IQGAP2: variants seen among roughly 807,000 people sequenced by gnomAD.
The protein encoded by IQGAP2 is IQ motif containing GTPase activating protein 2.
Under a neutral mutation model 201.3 loss-of-function variants are expected in IQGAP2, and 173 were observed. The observed-to-expected ratio is 0.86, with a 90% CI of 0.76 to 0.98. The LOEUF (loss-of-function observed/expected upper bound fraction) is 0.98. Among genes scored for constraint, IQGAP2 ranks in the 50% least tolerant of loss-of-function variants. The pLI is 0.00. For missense variants in IQGAP2, 1,687 were observed against 1,864.8 expected (o/e 0.90, Z 1.76); for synonymous variants, 675 against 673.9 (o/e 1.00, Z -0.03).
intron 35 of IQGAP2, among the ~76,000 whole-genome samples, chr5:76,705,068 G>A (rs1302907491): frequency 6.6e-6 from 1 of 152,064 alleles, no homozygotes; most frequent in African/African-American, 2.4e-5. Flanking sequence ...TAAAAATAAT[G>A]TCAGGTATTT....
At chr5:76,482,524 T>C (rs1034617745) in intron 2 of IQGAP2, among the ~76,000 whole-genome samples, 3 of 152,174 alleles carry the variant, frequency 2.0e-5, no homozygotes, top group Admixed American at 6.5e-5. Context: ...AAGAGGATAG[T>C]ACATACAGAA....
intron 2 of IQGAP2, among the ~76,000 whole-genome samples, chr5:76,531,043 A>T (rs998186109): frequency 6.6e-6 from 1 of 152,210 alleles, no homozygotes; most frequent in African/African-American, 2.4e-5. Context: ...TGCTATAACA[A>T]AACACCCAAG....
At position 76,673,991 on chromosome 5, in the gene IQGAP2, G is replaced by A. The variant is rs774812791; in HGVS notation, c.3249G>A (p.Ser1083=). The change falls in exon 26 of 36, where the codon TCG becomes TCA. Residue 1083 remains serine (S), a synonymous_variant. Coordinates refer to ENST00000274364, the MANE Select transcript of IQGAP2 (RefSeq NM_006633.5). ...ATATAGCCAAAGTACTGAAGAATTC[G>A]ATCCATGAGAAATTCCCCGATGCAA... is the stretch of plus-strand genomic sequence containing the variant. ...LRYIAKVLKN[S]IHEKFPDATE... 33 of 1,608,806 alleles carry A rather than the reference G, an allele frequency of 2.1e-5. No individual in the cohort carries two copies. Among genetic ancestry groups the A allele is most frequent in the Admixed American group, 3.3e-5 (2 of 59,968 alleles).
chr5:76,489,801 T>C (rs1168553300), intron 2 of IQGAP2, among the ~76,000 whole-genome samples: 1 of 152,212 alleles, frequency 6.6e-6, no homozygotes, highest in Non-Finnish European at 1.5e-5. Flanking sequence ...TTTATCTTGA[T>C]AAAATCTGAA....
At chr5:76,640,413 A>G (rs1751477544) in intron 16 of IQGAP2, among the ~76,000 whole-genome samples, 1 of 152,054 alleles carries the variant, frequency 6.6e-6, no homozygotes, top group Admixed American at 6.6e-5. Context: ...CCTTAATAGC[A>G]CTTATCTTGC....
chr5:76,427,251 G>T (rs908648430), intron 1 of IQGAP2, among the ~76,000 whole-genome samples: 4 of 152,086 alleles, frequency 2.6e-5, no homozygotes, highest in Non-Finnish European at 4.4e-5. Context: ...TATAAATAAA[G>T]AAACAAAATT....
In IQGAP2 at chr5:76,594,344, T is replaced by G. The variant is rs3797384; in HGVS notation, c.907+1419T>G. On this transcript the variant is annotated intron_variant, in intron 9 of 35. Transcript: ENST00000274364. ...ATTTATAACCATGAAAACAGTTTTC[T>G]TTTTCATGTTAAATAAAATGCTTTA... is the stretch of plus-strand genomic sequence containing the variant. 4.2e-4 allele frequency among the ~76,000 whole-genome samples: 64 copies of G among 152,292 alleles called. 4 individuals carry two copies. In the East Asian group the frequency reaches 0.012, roughly 29 times the overall value.
At chr5:76,613,260 G>A (rs1748571486) in intron 13 of IQGAP2, among the ~76,000 whole-genome samples, 1 of 152,246 alleles carries the variant, frequency 6.6e-6, no homozygotes. Context: ...AGGGGCAGGA[G>A]AGTGGGCCTT....
intron 1 of IQGAP2, among the ~76,000 whole-genome samples, chr5:76,406,560 CACTT>C (rs764590562): frequency 6.6e-6 from 1 of 152,218 alleles, no homozygotes; most frequent in African/African-American, 2.4e-5. Flanking sequence ...ATTAAGATGA[CACTT>C]ACGCTTAGGT....
intron 30 of IQGAP2, among the ~76,000 whole-genome samples, chr5:76,687,746 C>T (rs1227849321): frequency 1.3e-5 from 2 of 152,088 alleles, no homozygotes; most frequent in South Asian, 2.1e-4. Flanking sequence ...GAATCTAATG[C>T]CTGATGATCA....
chr5:76,609,753 A>G (rs1748112048), intron 12 of IQGAP2, among the ~76,000 whole-genome samples: 1 of 151,646 alleles, frequency 6.6e-6, no homozygotes, highest in African/African-American at 2.4e-5. Flanking sequence ...ATTAATATCT[A>G]GTTTCTTTAA....
At chr5:76,649,815 C>T (rs934448450) in intron 17 of IQGAP2, among the ~76,000 whole-genome samples, 33 of 152,354 alleles carry the variant, frequency 2.2e-4, no homozygotes, top group African/African-American at 7.7e-4. Flanking sequence ...GACAGTTCTG[C>T]TCCTGCAGCA....
chr5:76,691,272 A>G (rs952749259), intron 30 of IQGAP2, among the ~76,000 whole-genome samples: 4 of 151,890 alleles, frequency 2.6e-5, no homozygotes, highest in African/African-American at 9.7e-5. Flanking sequence ...TCCTCCAGCA[A>G]CTCTTGAGCA....
intron 13 of IQGAP2, chr5:76,615,743 TTACAGGAATATAATGGGTATTAATAACAA>T (rs139687205): frequency 0.26 from 39,825 of 152,278 alleles, 5,469 homozygotes; most frequent in South Asian, 0.41. Flanking sequence ...AGTCATTTAC[TTACAGGAATATAATGGGTATTAATAACAA>T]AATTCCATTT....
intron 13 of IQGAP2, among the ~76,000 whole-genome samples, chr5:76,622,903 CTGACT>C (rs547790924): frequency 5.3e-5 from 8 of 152,304 alleles, no homozygotes; most frequent in Admixed American, 1.3e-4. Flanking sequence ...AAATTGCTCC[CTGACT>C]TAATCGTAGA....
intron 13 of IQGAP2, chr5:76,623,104 G>C: frequency 6.6e-7 from 1 of 1,507,338 alleles, no homozygotes; most frequent in South Asian, 1.1e-5. Context: ...CCTAGGTTCA[G>C]TTGACTCTTA....
chr5:76,429,894 C>CACACACA (rs1401698379), intron 1 of IQGAP2, among the ~76,000 whole-genome samples: 4 of 150,344 alleles, frequency 2.7e-5, no homozygotes, highest in African/African-American at 9.8e-5. Flanking sequence ...CACACACACA[C>CACACACA]GACTATTTCA....
At chr5:76,565,163 G>A (rs570782234) in intron 3 of IQGAP2, among the ~76,000 whole-genome samples, 1 of 152,302 alleles carries the variant, frequency 6.6e-6, no homozygotes, top group South Asian at 2.1e-4. Context: ...ACTGAAGCAT[G>A]TCACATAGCC....
intron 21 of IQGAP2, among the ~76,000 whole-genome samples, chr5:76,663,645 G>A (rs372209154): frequency 1.6e-4 from 24 of 152,276 alleles, no homozygotes; most frequent in African/African-American, 4.8e-4. Context: ...TTCTTACTGC[G>A]GGTCCCAGAC....
Sources: gnomAD v4.1 joint callset for allele counts (sites outside exome capture counted in the v4.1 genomes callset) on GRCh38, gnomAD v4.1.1 for gene constraint, MANE v1.5 for transcripts, NCBI Gene and HGNC (gene_info 2026-07-23, HGNC 2026-07-21) for gene names.